The following STK3 variants were observed in gnomAD, a reference collection of about 807,000 sequenced individuals.
STK3 encodes serine/threonine-protein kinase 3.
A neutral mutation model predicts 58.0 loss-of-function variants in STK3; 41 were observed. That is an observed-to-expected ratio of 0.71 (90% CI 0.55 to 0.92). STK3 has a LOEUF of 0.92. STK3 is among the 40% of genes least tolerant of loss of function. The probability of loss-of-function intolerance (pLI) is 0.00; values close to 1 mark genes in which losing one functional copy is unlikely to be tolerated. For missense variants in STK3, 479 were observed against 602.7 expected (o/e 0.79, Z 2.15); for synonymous variants, 170 against 191.0 (o/e 0.89, Z 0.91).
intron 3 of STK3, among the ~76,000 whole-genome samples, chr8:98,859,348 T>A (rs1836840032): frequency 6.6e-6 from 1 of 152,158 alleles, no homozygotes; most frequent in Non-Finnish European, 1.5e-5. Context: ...GAGTGAGATG[T>A]CAAAATGACA....
chr8:98,440,192 T>A (rs1384529919), intron 1 of STK3, among the ~76,000 whole-genome samples: 3 of 152,112 alleles, frequency 2.0e-5, no homozygotes, highest in African/African-American at 7.2e-5. Flanking sequence ...GGTTGGGGAC[T>A]GGGAGATGGC....
At chr8:98,645,533 G>A (rs1170048773) in intron 6 of STK3, among the ~76,000 whole-genome samples, 1 of 152,058 alleles carries the variant, frequency 6.6e-6, no homozygotes, top group Admixed American at 6.6e-5. Flanking sequence ...ATATTAAACT[G>A]TAGCAAAAGT....
At chr8:98,763,930 C>T (rs1830785854) in intron 3 of STK3, among the ~76,000 whole-genome samples, 1 of 152,234 alleles carries the variant, frequency 6.6e-6, no homozygotes, top group African/African-American at 2.4e-5. Context: ...CCACCTCCGC[C>T]TCCCAAAGTG....
At chr8:98,573,803 G>C (rs1468532421) in intron 8 of STK3, among the ~76,000 whole-genome samples, 1 of 152,140 alleles carries the variant, frequency 6.6e-6, no homozygotes, top group African/African-American at 2.4e-5. Flanking sequence ...CCTGAGACTG[G>C]TTAATTTATA....
chr8:98,544,652 ACAC>A (rs1810554663), intron 9 of STK3, among the ~76,000 whole-genome samples: 1 of 6,948 alleles, frequency 1.4e-4, no homozygotes, highest in East Asian at 7.2e-3. Flanking sequence ...CTACTATAAC[ACAC>A]ACACACACAC....
intron 6 of STK3, among the ~76,000 whole-genome samples, chr8:98,613,079 C>T (rs1415901660): frequency 6.6e-5 from 10 of 152,310 alleles, no homozygotes; most frequent in Non-Finnish European, 7.4e-5. Context: ...ATAGAGACTA[C>T]ACACGGAGAG....
intron 4 of STK3, among the ~76,000 whole-genome samples, chr8:98,737,070 A>G (rs920024964): frequency 4.6e-5 from 7 of 152,172 alleles, no homozygotes; most frequent in Admixed American, 2.6e-4. Context: ...CTTGTTCTCA[A>G]CCTATATTTT....
intron 10 of STK3, among the ~76,000 whole-genome samples, chr8:98,475,065 T>G (rs1437663122): frequency 6.6e-6 from 1 of 152,082 alleles, no homozygotes; most frequent in African/African-American, 2.4e-5. Flanking sequence ...GAAAAATGAG[T>G]CAATATTAAT....
chr8:98,680,609 T>C (rs917365448), intron 6 of STK3, among the ~76,000 whole-genome samples: 2 of 152,224 alleles, frequency 1.3e-5, no homozygotes, highest in Non-Finnish European at 2.9e-5. Flanking sequence ...AACTGTTCTC[T>C]TTCCCTACAG....
At chr8:98,518,245 T>C (rs750321366) in intron 10 of STK3, among the ~76,000 whole-genome samples, 14 of 152,086 alleles carry the variant, frequency 9.2e-5, no homozygotes, top group Non-Finnish European at 1.8e-4. Flanking sequence ...AGGGAAATGA[T>C]GATATAATGA....
intron 7 of STK3, among the ~76,000 whole-genome samples, chr8:98,586,989 T>C (rs905550122): frequency 6.6e-6 from 1 of 152,030 alleles, no homozygotes; most frequent in Non-Finnish European, 1.5e-5. Flanking sequence ...CTTCTCTCTT[T>C]TTTTCTTTAT....
chr8:98,903,221 C>T (rs1838725431), intron 1 of STK3, among the ~76,000 whole-genome samples: 2 of 152,190 alleles, frequency 1.3e-5, no homozygotes, highest in African/African-American at 2.4e-5. Flanking sequence ...AATGAAAACA[C>T]ATAATTGCTT....
chr8:98,669,158 G>A lies in STK3; in HGVS notation c.684+37309C>T, dbSNP rs148266599. Among the ~76,000 whole-genome samples, 3 of 151,850 alleles carry A rather than the reference G, an allele frequency of 2.0e-5. No homozygotes were observed. In the East Asian group the frequency reaches 5.8e-4, roughly 29 times the overall value. Reference sequence around the variant, plus strand: ...ATTACAGGCACGCACCACCACACCTGGCTAATTTTTGTATTCTTACTAGAG... The same window carrying A: ...ATTACAGGCACGCACCACCACACCTAGCTAATTTTTGTATTCTTACTAGAG... On this transcript the variant is annotated intron_variant, in intron 6 of 10. Transcript: ENST00000419617.
chr8:98,520,472 G>A (rs1199417210), intron 10 of STK3, among the ~76,000 whole-genome samples: 1 of 152,094 alleles, frequency 6.6e-6, no homozygotes, highest in African/African-American at 2.4e-5. Flanking sequence ...CTGTCTAGCA[G>A]GTGCCTTTCC....
At chr8:98,758,088 T>C (rs1034591280) in intron 3 of STK3, among the ~76,000 whole-genome samples, 9 of 152,228 alleles carry the variant, frequency 5.9e-5, no homozygotes, top group Admixed American at 2.6e-4. Context: ...GGCAAATCTA[T>C]AAGATATTGC....
At chr8:98,598,859 A>G in intron 6 of STK3, 1 of 985,456 alleles carries the variant, frequency 1.0e-6, no homozygotes, top group Non-Finnish European at 1.2e-6. Context: ...ATGTTTCTAA[A>G]AGAACTACTC....
chr8:98,479,033 G>A (rs924962152), intron 10 of STK3, among the ~76,000 whole-genome samples: 1 of 152,176 alleles, frequency 6.6e-6, no homozygotes, highest in Non-Finnish European at 1.5e-5. Flanking sequence ...GGTAGCAGTG[G>A]AGAAGATGCA....
chr8:98,542,172 AC>A (rs1810328607), intron 9 of STK3, among the ~76,000 whole-genome samples: 1 of 152,192 alleles, frequency 6.6e-6, no homozygotes. Flanking sequence ...TCAATTAGTA[AC>A]AGCTATAACC....
At chr8:98,552,809 GATAA>G (rs142476342) in intron 8 of STK3, among the ~76,000 whole-genome samples, 4,489 of 152,174 alleles carry the variant, frequency 0.029, 94 homozygotes, top group South Asian at 0.06. Context: ...GTAGGTACTT[GATAA>G]ATATTTATTT....
Sources: gnomAD v4.1 joint callset for allele counts (sites outside exome capture counted in the v4.1 genomes callset) on GRCh38, gnomAD v4.1.1 for gene constraint, MANE v1.5 for transcripts, NCBI Gene and HGNC (gene_info 2026-07-23, HGNC 2026-07-21) for gene names.